The following MGAT4A variants were observed in gnomAD, a reference collection of about 807,000 sequenced individuals.
The protein encoded by MGAT4A is N-acetylglucosaminyltransferase IVa.
A neutral mutation model predicts 74.1 loss-of-function variants in MGAT4A; 33 were observed. That is an observed-to-expected ratio of 0.45 (90% CI 0.34 to 0.60). The LOEUF (loss-of-function observed/expected upper bound fraction) is 0.60. Among genes scored for constraint, MGAT4A ranks in the 20% least tolerant of loss-of-function variants. The pLI is 0.02. For missense variants in MGAT4A, 479 were observed against 628.3 expected, an observed-to-expected ratio of 0.76 and a Z score of 2.54; for synonymous variants, 198 against 210.4, an observed-to-expected ratio of 0.94 and a Z score of 0.51.
At chr2:98,709,474 C>T (rs1702485042) in intron 2 of MGAT4A, among the ~76,000 whole-genome samples, 1 of 151,932 alleles carries the variant, frequency 6.6e-6, no homozygotes, top group Non-Finnish European at 1.5e-5. Context: ...AAGATAAATG[C>T]ATATTATGAG....
chr2:98,637,138 C>T (rs921576405), intron 12 of MGAT4A, among the ~76,000 whole-genome samples: 4 of 151,798 alleles, frequency 2.6e-5, no homozygotes, highest in Non-Finnish European at 1.5e-5. Context: ...AGTGAGACCT[C>T]GTCGCTACAA....
Position 98,622,979 on chromosome 2 carries a change from C to G in MGAT4A, c.*2587G>C. On this transcript the variant is annotated 3_prime_UTR_variant, in exon 16 of 16. Transcript: ENST00000393487. Reference sequence around the variant, plus strand: ...GCTGCAGTGAGCTATGAGAGCACCACTGCACTCCAGCCTGGGCAACAAAGC... The same window carrying G: ...GCTGCAGTGAGCTATGAGAGCACCAGTGCACTCCAGCCTGGGCAACAAAGC... 1.0e-6 allele frequency: 1 copy of G among 981,822 alleles called. No homozygotes were observed. Among genetic ancestry groups the G allele is most frequent in the Non-Finnish European group, 1.2e-6 (1 of 826,660 alleles). The allele number at this position is 981,822 out of a possible 1,614,324, so 60.8% of individuals were successfully genotyped here.
In MGAT4A at chr2:98,624,782, A is replaced by G. The variant is rs1701119951; in HGVS notation, c.*784T>C. The G allele has an allele frequency of 3.0e-6, 3 of 984,724 alleles. No individual in the cohort carries two copies. In the African/African-American group the frequency reaches 5.2e-5, roughly 17 times the overall value. 61.0% of individuals were successfully genotyped at this position (984,724 alleles called of 1,614,324 possible). ...CACTTACACATTGAAAATTTATCAGACTGACTTTCTGTGGCTATACACCAT... is the reference window on the plus strand; with the variant it reads ...CACTTACACATTGAAAATTTATCAGGCTGACTTTCTGTGGCTATACACCAT... On this transcript the variant is annotated 3_prime_UTR_variant, in exon 16 of 16. Coordinates refer to ENST00000393487, the MANE Select transcript of MGAT4A (RefSeq NM_012214.3).
At chr2:98,683,958 C>T (rs890602429) in intron 2 of MGAT4A, among the ~76,000 whole-genome samples, 1 of 152,182 alleles carries the variant, frequency 6.6e-6, no homozygotes, top group African/African-American at 2.4e-5. Context: ...GGGCCATTTT[C>T]GATCTCTCTC....
intron 8 of MGAT4A, among the ~76,000 whole-genome samples, chr2:98,651,806 A>G (rs1372970618): frequency 6.6e-6 from 1 of 152,194 alleles, no homozygotes; most frequent in East Asian, 1.9e-4. Context: ...CTATTAATAT[A>G]CTATCTACAA....
chr2:98,660,926 T>A (rs1440766225), intron 5 of MGAT4A, among the ~76,000 whole-genome samples: 2 of 152,108 alleles, frequency 1.3e-5, no homozygotes, highest in African/African-American at 2.4e-5. Flanking sequence ...TAGGATCACA[T>A]CTAACTAAAA....
At chr2:98,628,057 A>AT (rs532761459) in intron 14 of MGAT4A, among the ~76,000 whole-genome samples, 11 of 151,294 alleles carry the variant, frequency 7.3e-5, no homozygotes, top group South Asian at 2.1e-4. Flanking sequence ...CTCCACAAGT[A>AT]TTTTTTTTTA....
intron 2 of MGAT4A, among the ~76,000 whole-genome samples, chr2:98,725,317 T>C (rs1401575207): frequency 6.6e-6 from 1 of 152,146 alleles, no homozygotes; most frequent in Non-Finnish European, 1.5e-5. Context: ...ATTTTTAACA[T>C]ATACATGCAC....
chr2:98,668,664 C>T (rs1311759062), intron 4 of MGAT4A, among the ~76,000 whole-genome samples: 3 of 152,190 alleles, frequency 2.0e-5, no homozygotes, highest in Non-Finnish European at 2.9e-5. Context: ...AATGATAGAT[C>T]CACTCATGGC....
rs1701061056 is a variant in MGAT4A at position 98,621,568 on chromosome 2, CATGAT to C, written c.*3993_*3997del. 1.3e-6 allele frequency: 2 copies of C among 1,548,274 alleles called. No individual in the cohort carries two copies. Among genetic ancestry groups the C allele is most frequent in the Non-Finnish European group, 1.7e-6 (2 of 1,145,178 alleles). ...AGACAGTCTTCCTTTTGCTACATAA[CATGAT>C]ATAATCATGGATCAAACAGGTTCCA... On this transcript the variant is annotated 3_prime_UTR_variant, in exon 16 of 16. Transcript: ENST00000393487.
rs1397923736 is a variant in MGAT4A, at chr2:98,731,015, CGCGCGCCGCCGCT to C, written c.-236+20_-236+32del. On this transcript the variant is annotated intron_variant, in intron 1 of 15. Coordinates refer to ENST00000393487, the MANE Select transcript of MGAT4A (RefSeq NM_012214.3). The surrounding 1 kb of genome is among the most constrained non-coding windows in gnomAD (Gnocchi z 4.8). ...GCCGCCCCGCGCCCCCTCCCGCCCC[CGCGCGCCGCCGCT>C]GCCGCCGCGAGCCCCTCACCCGCCG... The C allele has an allele frequency of 1.4e-5, 2 of 143,660 alleles. No individual in the cohort carries two copies. Among genetic ancestry groups the C allele is most frequent in the Non-Finnish European group, 3.1e-5 (2 of 64,360 alleles). 8.9% of individuals were successfully genotyped at this position (143,660 alleles called of 1,614,324 possible).
At chr2:98,678,542 G>A in intron 2 of MGAT4A, 71 bp from the exon 3 acceptor site, 1 of 1,007,472 alleles carries the variant, frequency 9.9e-7, no homozygotes, top group Non-Finnish European at 1.3e-6. Context: ...CAATGGAACT[G>A]TAAAATTACA....
At chr2:98,642,044 T>A (rs1701419358) in intron 10 of MGAT4A, among the ~76,000 whole-genome samples, 1 of 151,002 alleles carries the variant, frequency 6.6e-6, no homozygotes, top group Admixed American at 6.6e-5. Context: ...TCTAATAATA[T>A]ACTGGGTGCT....
At chr2:98,671,141 T>G (rs1701906211) in intron 4 of MGAT4A, among the ~76,000 whole-genome samples, 1 of 152,194 alleles carries the variant, frequency 6.6e-6, no homozygotes, top group Non-Finnish European at 1.5e-5. Context: ...AACATGACTA[T>G]GTCCTCCCTG....
intron 4 of MGAT4A, 102 bp downstream of exon 4, chr2:98,674,933 C>CT (rs2104285791): frequency 8.2e-7 from 1 of 1,220,900 alleles, no homozygotes; most frequent in African/African-American, 1.5e-5. Context: ...AAAGAAAGAA[C>CT]TTTCATTTTT....
At chr2:98,632,148 G>A (rs558188638) in intron 14 of MGAT4A, among the ~76,000 whole-genome samples, 2 of 150,878 alleles carry the variant, frequency 1.3e-5, no homozygotes, top group South Asian at 2.1e-4. Context: ...AAAAAGGCAG[G>A]GGGTCTAATT....
At chr2:98,640,037 A>C in intron 11 of MGAT4A, 36 bp from the exon 12 acceptor site, 1 of 1,557,834 alleles carries the variant, frequency 6.4e-7, no homozygotes, top group South Asian at 1.2e-5. Context: ...TAAATAATAC[A>C]CAGCTTATTT....
intron 12 of MGAT4A, among the ~76,000 whole-genome samples, chr2:98,637,118 T>C (rs1312170303): frequency 6.6e-6 from 1 of 152,050 alleles, no homozygotes; most frequent in Non-Finnish European, 1.5e-5. Context: ...AAGACCAGCC[T>C]GGGCAACACA....
At chr2:98,705,715 A>G (rs1012110571) in intron 2 of MGAT4A, among the ~76,000 whole-genome samples, 3 of 151,818 alleles carry the variant, frequency 2.0e-5, no homozygotes, top group South Asian at 2.1e-4. Flanking sequence ...AGGCCGAGGC[A>G]GGTGGATCAT....
Sources: gnomAD v4.1 joint callset for allele counts (sites outside exome capture counted in the v4.1 genomes callset) on GRCh38, gnomAD v4.1.1 for gene constraint, Gnocchi (gnomAD v3.1) non-coding constraint, MANE v1.5 for transcripts, NCBI Gene and HGNC (gene_info 2026-07-23, HGNC 2026-07-21) for gene names.